Variants in CDK2 observed in about 807,000 individuals in gnomAD.
CDK2 encodes the protein cyclin dependent kinase 2.
In CDK2, 8 loss-of-function variants were observed where a neutral mutation model predicts 35.0. The observed-to-expected ratio is 0.23, with a 90% CI of 0.13 to 0.41. The LOEUF is 0.41. Among genes scored for constraint, CDK2 ranks in the 10% least tolerant of loss-of-function variants. The probability of loss-of-function intolerance (pLI) is 1.00; values close to 1 mark genes in which losing one functional copy is unlikely to be tolerated. For synonymous variants in CDK2, 134 were observed against 137.7 expected (o/e 0.97, Z 0.19); for missense variants, 201 against 367.1 (o/e 0.55, Z 3.70).
At chr12:55,967,626 C>T in intron 1 of CDK2, 1 of 559,180 alleles carries the variant, frequency 1.8e-6, no homozygotes. Flanking sequence ...TTCACCTTCA[C>T]CAGGCGGCTT....
In CDK2 at chr12:55,970,953, C is replaced by T. The variant is rs2069411; in HGVS notation, c.589-91C>T. 2,368 of 1,132,316 alleles carry T rather than the reference C, an allele frequency of 2.1e-3. 10 individuals are homozygous for T. The highest frequency in any genetic ancestry group is 0.014 in the African/African-American group (931 of 65,556). 70.1% of individuals were successfully genotyped at this position (1,132,316 alleles called of 1,614,324 possible). On this transcript the variant is annotated intron_variant, in intron 5 of 6. Transcript: ENST00000266970. The stretch of plus-strand genomic sequence containing the variant: ...GAGGGAGTCATGGGGCCCTGCTGAC[C>T]TTTTACTGTCTGTGGGAACTCCTTT...
intron 5 of CDK2, chr12:55,970,761 T>C (rs1022000658): frequency 7.1e-6 from 5 of 700,328 alleles, no homozygotes; most frequent in Non-Finnish European, 1.3e-5. Flanking sequence ...TTGGGATACC[T>C]TTGCTACATG....
At chr12:55,971,478 C>A in intron 6 of CDK2, 43 bp from the exon 7 acceptor site, 1 of 1,428,920 alleles carries the variant, frequency 7.0e-7, no homozygotes, top group Non-Finnish European at 9.9e-7. Flanking sequence ...CCCATTTAGT[C>A]CACTATCACA....
rs571053619 is a variant in CDK2 at position 55,967,050 on chromosome 12, G to C, written c.42G>C (p.Thr14=). 6.2e-6 allele frequency: 10 copies of C among 1,613,856 alleles called. No homozygotes were observed. The highest frequency in any genetic ancestry group is 5.0e-5 in the Admixed American group (3 of 59,972). Residue 14 remains threonine, a synonymous_variant, in exon 1 of 7, where the codon ACG becomes ACC. Transcript: ENST00000266970. Reference sequence around the variant, plus strand: ...AGGTGGAAAAGATCGGAGAGGGCACGTACGGAGTTGTGTACAAAGCCAGAA... The same window carrying C: ...AGGTGGAAAAGATCGGAGAGGGCACCTACGGAGTTGTGTACAAAGCCAGAA... ...FQKVEKIGEG[T]YGVVYKARNK...
chr12:55,971,316 G>A, intron 6 of CDK2, 69 bp downstream of exon 6: 2 of 1,469,074 alleles, frequency 1.4e-6, no homozygotes, highest in East Asian at 4.5e-5. Context: ...ATGAAGGAAG[G>A]ATGAGACCCT....
intron 4 of CDK2, 60 bp downstream of exon 4, chr12:55,969,008 A>G: frequency 7.9e-7 from 1 of 1,260,920 alleles, no homozygotes; most frequent in African/African-American, 1.5e-5. Flanking sequence ...TAGGGTATTC[A>G]CAAAGTTACT....
In CDK2 at chr12:55,968,754, A is replaced by G. The variant is rs765033170; in HGVS notation, c.316-24A>G. On this transcript the variant is annotated intron_variant, in intron 3 of 6. Coordinates refer to ENST00000266970, the MANE Select transcript of CDK2 (RefSeq NM_001798.5). ...TCTGCTCACTGTAATGGAGAAACAC[A>G]GTCCTCTCTTTCTCCTTTGTCAGAG... 3 of 1,565,364 alleles carry G rather than the reference A, an allele frequency of 1.9e-6. No individual in the cohort carries two copies. In the Admixed American group the frequency reaches 5.9e-5, roughly 31 times the overall value.
chr12:55,971,764 A>C lies in CDK2; in HGVS notation c.*139A>C. 1 of 626,284 alleles carries C rather than the reference A, an allele frequency of 1.6e-6. No homozygotes were observed. The highest frequency in any genetic ancestry group is 2.8e-6 in the Non-Finnish European group (1 of 351,976). 38.8% of individuals were successfully genotyped at this position (626,284 alleles called of 1,614,324 possible). A position where few individuals can be genotyped will look rare whatever the true frequency, so the allele number is the denominator to read the frequency against. On this transcript the variant is annotated 3_prime_UTR_variant, in exon 7 of 7. Coordinates refer to ENST00000266970, the MANE Select transcript of CDK2 (RefSeq NM_001798.5). Reference sequence around the variant, plus strand: ...ACTCACCTTCTAGTCTTGGCCAGCCAACTCTGGGAATACAGGGGTGAAAGG... The same window carrying C: ...ACTCACCTTCTAGTCTTGGCCAGCCCACTCTGGGAATACAGGGGTGAAAGG...
chr12:55,968,367 G>A lies in CDK2; in HGVS notation c.315+198G>A, dbSNP rs1397561796. ...AGGGTTGGACTGAACAATCAAAGTT[G>A]AAACTCTAGTGAGTCAACCTAGCAA... On this transcript the variant is annotated intron_variant, in intron 3 of 6. Transcript: ENST00000266970. 5.1e-6 allele frequency: 3 copies of A among 589,498 alleles called. No individual in the cohort carries two copies. The Admixed American group carries it at 9.9e-5, about 19-fold the overall frequency. 36.5% of individuals were successfully genotyped at this position (589,498 alleles called of 1,614,324 possible).
chr12:55,969,306 G>C (rs1432804386), intron 4 of CDK2, among the ~76,000 whole-genome samples, 169 bp from the exon 5 acceptor site: 2 of 152,102 alleles, frequency 1.3e-5, no homozygotes, highest in Admixed American at 1.3e-4. Context: ...CAAATTAGGG[G>C]TTCAGTCCAG....
chr12:55,968,398 G>A lies in CDK2; in HGVS notation c.315+229G>A, dbSNP rs551496526. ...CTAGTGAGTCAACCTAGCAACTCAG[G>A]TGGGAGGTCAGATGAAACTCAGATA... On this transcript the variant is annotated intron_variant, in intron 3 of 6. Transcript: ENST00000266970. The A allele has an allele frequency of 4.1e-4, 216 of 529,430 alleles. 2 individuals are homozygous for A. In the East Asian group the frequency reaches 6.7e-3, roughly 16 times the overall value. 32.8% of individuals were successfully genotyped at this position (529,430 alleles called of 1,614,324 possible). A position where few individuals can be genotyped will look rare whatever the true frequency, so the allele number is the denominator to read the frequency against.
At position 55,967,139 on chromosome 12, in the gene CDK2, T is replaced by C; in HGVS notation, c.116+15T>C. ...CGCCTGGACACGTGAGTGGCCTCTG[T>C]ACCCGGGACTCCTAACTGGGGACCT... is the stretch of plus-strand genomic sequence containing the variant. On this transcript the variant is annotated intron_variant, in intron 1 of 6. Coordinates refer to ENST00000266970, the MANE Select transcript of CDK2 (RefSeq NM_001798.5). 1 of 1,573,220 alleles carries C rather than the reference T, an allele frequency of 6.4e-7. No individual in the cohort carries two copies. The highest frequency in any genetic ancestry group is 1.7e-4 in the Middle Eastern group (1 of 6,004).
At chr12:55,969,599 C>T (rs1188823727) in intron 5 of CDK2, 23 bp downstream of exon 5, 4 of 1,421,612 alleles carry the variant, frequency 2.8e-6, no homozygotes, top group Non-Finnish European at 3.9e-6. Context: ...GCCCAAGTTC[C>T]ACCCAGCCCC....
Position 55,967,690 on chromosome 12 carries a change from C to T in CDK2, c.117-167C>T, listed in dbSNP as rs2069401. On this transcript the variant is annotated intron_variant, in intron 1 of 6. Coordinates refer to ENST00000266970, the MANE Select transcript of CDK2 (RefSeq NM_001798.5). ...ATAATGGCCTTAATATATCCAAAAA[C>T]CACACCCTGACTACCCAAGAATTAG... The T allele has an allele frequency of 4.7e-4, 296 of 624,962 alleles. 1 individual carries two copies. Among genetic ancestry groups the T allele is most frequent in the African/African-American group, 4.4e-3 (240 of 54,548 alleles). The allele number at this position is 624,962 out of a possible 1,614,324, so 38.7% of individuals were successfully genotyped here.
In CDK2 at chr12:55,971,664, C is replaced by A. The variant is rs746075723; in HGVS notation, c.*39C>A. ...GCCCCCAGCCCTAATCTCACCCTCT[C>A]CTCCAGTGTGGGCTTGACCAGGCTT... On this transcript the variant is annotated 3_prime_UTR_variant, in exon 7 of 7. Coordinates refer to ENST00000266970, the MANE Select transcript of CDK2 (RefSeq NM_001798.5). 6.8e-7 allele frequency: 1 copy of A among 1,462,288 alleles called. No homozygotes were observed. The highest frequency in any genetic ancestry group is 9.6e-7 in the Non-Finnish European group (1 of 1,041,750). 90.6% of individuals were successfully genotyped at this position (1,462,288 alleles called of 1,614,324 possible).
rs1246871505 is a variant in CDK2 at position 55,971,278 on chromosome 12, A to G, written c.792+31A>G. On this transcript the variant is annotated intron_variant, in intron 6 of 6. Coordinates refer to ENST00000266970, the MANE Select transcript of CDK2 (RefSeq NM_001798.5). Reference sequence around the variant, plus strand: ...AGTGGGCACCTGTTTTCCCTCATTCATTTCTCCCAGGGAAGGGCTTTTCCA... The same window carrying G: ...AGTGGGCACCTGTTTTCCCTCATTCGTTTCTCCCAGGGAAGGGCTTTTCCA... 6 of 1,600,502 alleles carry G rather than the reference A, an allele frequency of 3.7e-6. No individual in the cohort carries two copies. The Admixed American group carries it at 5.0e-5, about 13-fold the overall frequency.
At chr12:55,970,605 T>C in intron 5 of CDK2, 1 of 702,142 alleles carries the variant, frequency 1.4e-6, no homozygotes, top group Non-Finnish European at 2.6e-6. Flanking sequence ...AAGCACCTAG[T>C]GGGTACCCAG....
chr12:55,971,644 C>CTGAT lies in CDK2; in HGVS notation c.*19_*20insTGAT, dbSNP rs772695055. ...ACTCTGATAGCCTTCTTGAAGCCCCCAGCCCTAATCTCACCCTCTCCTCCA... is the reference window on the plus strand; with the variant it reads ...ACTCTGATAGCCTTCTTGAAGCCCCCTGATAGCCCTAATCTCACCCTCTCCTCCA... On this transcript the variant is annotated 3_prime_UTR_variant, in exon 7 of 7. Coordinates refer to ENST00000266970, the MANE Select transcript of CDK2 (RefSeq NM_001798.5). The CTGAT allele has an allele frequency of 6.5e-7, 1 of 1,547,476 alleles. No individual in the cohort carries two copies. Among genetic ancestry groups the CTGAT allele is most frequent in the Non-Finnish European group, 8.9e-7 (1 of 1,119,172 alleles).
chr12:55,971,687 C>T lies in CDK2; in HGVS notation c.*62C>T. 7.7e-7 allele frequency: 1 copy of T among 1,299,312 alleles called. No individual in the cohort carries two copies. 80.5% of individuals were successfully genotyped at this position (1,299,312 alleles called of 1,614,324 possible). On this transcript the variant is annotated 3_prime_UTR_variant, in exon 7 of 7. Coordinates refer to ENST00000266970, the MANE Select transcript of CDK2 (RefSeq NM_001798.5). Reference sequence around the variant, plus strand: ...CTCCTCCAGTGTGGGCTTGACCAGGCTTGGCCTTGGGCTATTTGGACTCAG... The same window carrying T: ...CTCCTCCAGTGTGGGCTTGACCAGGTTTGGCCTTGGGCTATTTGGACTCAG...
Sources: allele counts gnomAD v4.1 joint callset (sites outside exome capture counted in the v4.1 genomes callset), GRCh38; gene constraint gnomAD v4.1.1; transcripts MANE v1.5; gene names NCBI Gene and HGNC (gene_info 2026-07-23, HGNC 2026-07-21).